TBL1X: variants seen among roughly 807,000 people sequenced by gnomAD.
TBL1X encodes the protein F-box-like/WD repeat-containing protein TBL1X.
TBL1X carries 10 observed loss-of-function variants against 50.7 expected under a neutral mutation model. The observed-to-expected ratio is 0.20, with a 90% CI of 0.12 to 0.33. The LOEUF (loss-of-function observed/expected upper bound fraction) is 0.33, where lower values mean the gene tolerates loss of function less well. Among genes scored for constraint, TBL1X ranks in the 10% least tolerant of loss-of-function variants. The probability of loss-of-function intolerance (pLI) is 1.00; values close to 1 mark genes in which losing one functional copy is unlikely to be tolerated. For synonymous variants in TBL1X, 190 were observed against 214.7 expected, an observed-to-expected ratio of 0.88 and a Z score of 1.01; for missense variants, 340 against 504.4, an observed-to-expected ratio of 0.67 and a Z score of 3.12.
intron 2 of TBL1X, among the ~76,000 whole-genome samples, chrX:9,578,059 C>T (rs1372046838): frequency 3.6e-5 from 4 of 111,796 alleles, no homozygotes; most frequent in Non-Finnish European, 5.6e-5. Flanking sequence ...CCCTTTCCAC[C>T]AGCATCGCTG....
At chrX:9,468,484 G>A (rs1315085464) in intron 1 of TBL1X, among the ~76,000 whole-genome samples, 1 of 111,563 alleles carries the variant, frequency 9.0e-6, no homozygotes, top group African/African-American at 3.3e-5. Flanking sequence ...CCAAGTGTCA[G>A]TAGGAAAAGG....
At chrX:9,705,179 T>A (rs1008844622) in intron 13 of TBL1X, 65 bp downstream of exon 13, 23 of 1,201,248 alleles carry the variant, frequency 1.9e-5, no homozygotes, top group Non-Finnish European at 2.5e-5. Flanking sequence ...CCGATTCTTG[T>A]GTGCCTAGAA....
intron 1 of TBL1X, among the ~76,000 whole-genome samples, chrX:9,474,165 TA>T (rs1181404958): frequency 8.8e-6 from 1 of 113,231 alleles, no homozygotes; most frequent in African/African-American, 3.2e-5. Context: ...CTAATACTTG[TA>T]AAAAATATAT....
chrX:9,713,546 G>GC (rs2083261460), intron 16 of TBL1X, among the ~76,000 whole-genome samples: 1 of 103,989 alleles, frequency 9.6e-6, no homozygotes, highest in Non-Finnish European at 1.9e-5. Context: ...TCCTGCCTCA[G>GC]CCTCCCGAGT....
In TBL1X at chrX:9,648,883, A is replaced by AGAG. The variant is rs982860299; in HGVS notation, c.-42-4650_-42-4648dup. The stretch of plus-strand genomic sequence containing the variant: ...AAATTTAGTTCTGGTCTTAGAAAAA[A>AGAG]GAGGAGGAGGAGGAATTTTTATTCC... On this transcript the variant is annotated intron_variant, in intron 3 of 17. Transcript: ENST00000645353. Among the ~76,000 whole-genome samples, 20 of 112,575 alleles carry AGAG rather than the reference A, an allele frequency of 1.8e-4. No individual in the cohort carries two copies. In the East Asian group the frequency reaches 3.3e-3, roughly 19 times the overall value.
At chrX:9,502,131 A>G (rs1241416358) in intron 2 of TBL1X, among the ~76,000 whole-genome samples, 1 of 113,136 alleles carries the variant, frequency 8.8e-6, no homozygotes, top group Non-Finnish European at 1.9e-5. Flanking sequence ...AAAGAAAGCA[A>G]GGTATCTTAT....
chrX:9,549,750 T>A (rs1348377246), intron 2 of TBL1X, among the ~76,000 whole-genome samples: 1 of 111,927 alleles, frequency 8.9e-6, no homozygotes, highest in South Asian at 3.7e-4. Flanking sequence ...TACAGAAAGT[T>A]GTTCTCGCTG....
At chrX:9,611,825 G>T (rs760936895) in intron 2 of TBL1X, among the ~76,000 whole-genome samples, 28 of 111,825 alleles carry the variant, frequency 2.5e-4, no homozygotes, top group African/African-American at 9.1e-4. Context: ...TGTTGGCACG[G>T]CCATCCCCAT....
chrX:9,670,227 G>C (rs1213855911), intron 5 of TBL1X, among the ~76,000 whole-genome samples: 5 of 110,951 alleles, frequency 4.5e-5, no homozygotes, highest in African/African-American at 1.6e-4. Context: ...TCAGGTGTTC[G>C]CATTTCTGAC....
At chrX:9,618,247 A>C (rs1314065944) in intron 2 of TBL1X, among the ~76,000 whole-genome samples, 1 of 111,696 alleles carries the variant, frequency 9.0e-6, no homozygotes, top group African/African-American at 3.3e-5. Context: ...GCCCAAGGAG[A>C]AAATGATCAG....
chrX:9,709,128 T>A (rs2083228480), intron 13 of TBL1X, 120 bp from the exon 14 acceptor site: 1 of 649,895 alleles, frequency 1.5e-6, no homozygotes, highest in Admixed American at 3.4e-5. Context: ...CCCTTTGATG[T>A]CAGGCTGAAG....
intron 17 of TBL1X, 34 bp downstream of exon 17, chrX:9,715,037 G>T: frequency 1.7e-6 from 2 of 1,168,644 alleles, no homozygotes; most frequent in Non-Finnish European, 2.3e-6. Flanking sequence ...GGGGAGTGGG[G>T]TGTTGGGGGC....
intron 5 of TBL1X, among the ~76,000 whole-genome samples, chrX:9,668,070 T>C (rs1374330160): frequency 8.9e-6 from 1 of 112,347 alleles, no homozygotes; most frequent in African/African-American, 3.2e-5. Flanking sequence ...GTTATATTCA[T>C]ATAAATATGT....
At chrX:9,692,886 A>C (rs2083107716) in intron 9 of TBL1X, among the ~76,000 whole-genome samples, 1 of 112,759 alleles carries the variant, frequency 8.9e-6, no homozygotes, top group African/African-American at 3.2e-5. Context: ...CGTGCAGCCC[A>C]GGAAAGGTGA....
intron 12 of TBL1X, among the ~76,000 whole-genome samples, chrX:9,700,703 A>T (rs1007525364): frequency 1.8e-5 from 2 of 111,194 alleles, no homozygotes; most frequent in Non-Finnish European, 3.8e-5. Context: ...TAATGGGGCG[A>T]TAGGAGACAT....
intron 2 of TBL1X, among the ~76,000 whole-genome samples, chrX:9,619,947 A>G (rs752718011): frequency 5.3e-4 from 60 of 112,238 alleles, no homozygotes; most frequent in African/African-American, 1.8e-3. Flanking sequence ...ACTAGTTGCC[A>G]TTTATCTTTT....
intron 11 of TBL1X, among the ~76,000 whole-genome samples, chrX:9,695,372 G>A (rs750097594): frequency 8.9e-6 from 1 of 112,417 alleles, no homozygotes; most frequent in Non-Finnish European, 1.9e-5. Context: ...AGACTTAGTA[G>A]CCTGGTTTAT....
At chrX:9,478,618 G>A (rs1022926626) in intron 1 of TBL1X, among the ~76,000 whole-genome samples, 2 of 111,684 alleles carry the variant, frequency 1.8e-5, no homozygotes, top group Admixed American at 1.9e-4. Context: ...AGGCCATCAG[G>A]ATGGGGGAGG....
chrX:9,613,304 T>C (rs968543876), intron 2 of TBL1X, among the ~76,000 whole-genome samples: 1 of 111,599 alleles, frequency 9.0e-6, no homozygotes, highest in African/African-American at 3.3e-5. Context: ...CTCTCCTTGG[T>C]GGCCAAGCTG....
Sources: gnomAD v4.1 joint callset for allele counts (sites outside exome capture counted in the v4.1 genomes callset) on GRCh38, gnomAD v4.1.1 for gene constraint, MANE v1.5 for transcripts, NCBI Gene and HGNC (gene_info 2026-07-23, HGNC 2026-07-21) for gene names.